The following TRPM8 variants were observed in gnomAD, a reference collection of about 807,000 sequenced individuals.
The protein encoded by TRPM8 is TRPM8 cationic channel.
Under a neutral mutation model 133.7 loss-of-function variants are expected in TRPM8, and 110 were observed. The ratio of observed to expected loss-of-function variants is 0.82; its 90% CI spans 0.70 to 0.96. The LOEUF (loss-of-function observed/expected upper bound fraction) is 0.96. Among genes scored for constraint, TRPM8 ranks in the 40% least tolerant of loss-of-function variants. TRPM8 has a pLI of 0.00. For missense variants in TRPM8, 1,291 were observed against 1,379.5 expected (o/e 0.94, Z 1.02); for synonymous variants, 535 against 532.3 (o/e 1.01, Z -0.07).
chr2:233,927,798 TC>T (rs1204605161), intron 2 of TRPM8, among the ~76,000 whole-genome samples: 2 of 33,726 alleles, frequency 5.9e-5, no homozygotes, highest in East Asian at 1.5e-3. Flanking sequence ...TTCTTTTCTT[TC>T]CTTCCTTCCT....
In TRPM8 at chr2:233,989,310, G is replaced by A. The variant is rs949496437; in HGVS notation, c.2939+3445G>A. Among the ~76,000 whole-genome samples, 10 of 152,288 alleles carry A rather than the reference G, an allele frequency of 6.6e-5. No homozygotes were observed. The highest frequency in any genetic ancestry group is 3.4e-3 in the Middle Eastern group (1 of 294). ...GCTCAGCGTCTGTGGTCCTGGCCGCGCGTTATCTGGCTTAACTCAGGTCTC... is the reference window on the plus strand; with the variant it reads ...GCTCAGCGTCTGTGGTCCTGGCCGCACGTTATCTGGCTTAACTCAGGTCTC... On this transcript the variant is annotated intron_variant, in intron 21 of 25. Coordinates refer to ENST00000324695, the MANE Select transcript of TRPM8 (RefSeq NM_024080.5). This position sits in a 1 kb window ranked among gnomAD's most constrained non-coding sequence, Gnocchi z 4.2.
chr2:233,958,868 C>T (rs990590659), intron 11 of TRPM8, among the ~76,000 whole-genome samples: 10 of 152,060 alleles, frequency 6.6e-5, no homozygotes, highest in East Asian at 3.9e-4. Context: ...GGATCAGGCA[C>T]ACAATGTAAG....
chr2:233,939,232 G>C (rs1456082546), intron 5 of TRPM8, 57 bp downstream of exon 5: 4 of 1,584,040 alleles, frequency 2.5e-6, no homozygotes, highest in African/African-American at 1.3e-5. Context: ...CAAGTTTGGG[G>C]AGCAGAGAAG....
chr2:233,976,491 C>T (rs1691876653), intron 17 of TRPM8, among the ~76,000 whole-genome samples: 1 of 151,958 alleles, frequency 6.6e-6, no homozygotes, highest in Non-Finnish European at 1.5e-5. Context: ...GGCAGGTGCG[C>T]AGGAGAACTG....
chr2:233,947,610 C>T (rs555334163), intron 8 of TRPM8: 14 of 1,289,912 alleles, frequency 1.1e-5, no homozygotes, highest in South Asian at 9.9e-5. Flanking sequence ...ATTCCAAACC[C>T]TAAGTGATTC....
At chr2:233,957,012 T>A (rs546764347) in intron 11 of TRPM8, among the ~76,000 whole-genome samples, 1 of 152,278 alleles carries the variant, frequency 6.6e-6, no homozygotes, top group Admixed American at 6.5e-5. Context: ...GCACAATGGC[T>A]AAGGAAATGG....
intron 17 of TRPM8, chr2:233,970,643 T>A: frequency 3.5e-6 from 2 of 574,084 alleles, no homozygotes; most frequent in South Asian, 2.1e-5. Context: ...CTTTGCTCTC[T>A]AATGAATGTT....
At chr2:233,997,073 TG>T (rs1418695207) in intron 22 of TRPM8, among the ~76,000 whole-genome samples, 1 of 152,156 alleles carries the variant, frequency 6.6e-6, no homozygotes, top group Non-Finnish European at 1.5e-5. Context: ...GTGACCAGCC[TG>T]GGCAACACGG....
intron 3 of TRPM8, among the ~76,000 whole-genome samples, chr2:233,932,673 C>T (rs180919700): frequency 3.6e-4 from 55 of 151,968 alleles, no homozygotes; most frequent in African/African-American, 1.2e-3. Flanking sequence ...GGTGGGCAGC[C>T]GCAGCCCTCA....
intron 20 of TRPM8, 72 bp downstream of exon 20, chr2:233,983,296 G>T (rs1692060125): frequency 1.3e-6 from 2 of 1,579,876 alleles, no homozygotes; most frequent in South Asian, 2.2e-5. Context: ...CCCCAGGGCT[G>T]CCCCGGAGAC....
chr2:234,002,666 C>T (rs1692598133), intron 22 of TRPM8, among the ~76,000 whole-genome samples: 1 of 152,034 alleles, frequency 6.6e-6, no homozygotes, highest in African/African-American at 2.4e-5. Flanking sequence ...ACCTGGAACA[C>T]TACTGAAAAA....
chr2:233,922,647 C>T (rs1292389213), intron 1 of TRPM8, among the ~76,000 whole-genome samples: 3 of 152,240 alleles, frequency 2.0e-5, no homozygotes, highest in Non-Finnish European at 2.9e-5. Context: ...TGAGTGTTTG[C>T]CTTCCTTGTT....
chr2:234,009,120 G>T (rs950250361), intron 24 of TRPM8, among the ~76,000 whole-genome samples: 4 of 152,252 alleles, frequency 2.6e-5, no homozygotes, highest in African/African-American at 9.6e-5. Flanking sequence ...GCAAGGGAAG[G>T]CTCGGGGAGT....
chr2:234,006,704 A>G (rs764619008), intron 22 of TRPM8, 149 bp from the exon 23 acceptor site: 2 of 567,852 alleles, frequency 3.5e-6, no homozygotes, highest in East Asian at 6.1e-5. Context: ...TGATGCTGTC[A>G]CTAGGAAGTA....
intron 21 of TRPM8, among the ~76,000 whole-genome samples, chr2:233,994,045 T>G (rs557902006): frequency 6.6e-6 from 1 of 152,374 alleles, no homozygotes; most frequent in Admixed American, 6.5e-5. Flanking sequence ...TCATCTCTTC[T>G]TATTTTTAGG....
intron 14 of TRPM8, among the ~76,000 whole-genome samples, chr2:233,965,043 C>CT (rs1278573034): frequency 8.5e-4 from 72 of 85,008 alleles, no homozygotes; most frequent in Non-Finnish European, 1.9e-4. Flanking sequence ...CACTGGACTA[C>CT]TTTTTTTTGT....
At chr2:233,993,916 G>A (rs1305231266) in intron 21 of TRPM8, among the ~76,000 whole-genome samples, 3 of 152,156 alleles carry the variant, frequency 2.0e-5, no homozygotes, top group African/African-American at 7.2e-5. Flanking sequence ...AGAGTTTTGG[G>A]AAGTCAGTAT....
chr2:233,955,123 C>G lies in TRPM8; in HGVS notation c.1244-9C>G. 1 of 1,607,492 alleles carries G rather than the reference C, an allele frequency of 6.2e-7. No individual in the cohort carries two copies. Among genetic ancestry groups the G allele is most frequent in the Non-Finnish European group, 8.5e-7 (1 of 1,174,490 alleles). ...TTGGTGAGTTGAGTCTTTTCCTGCC[C>G]TCTCACAGCCTTCAGCACCAGTGAG... On this transcript the variant is annotated splice_polypyrimidine_tract_variant and intron_variant, in intron 10 of 25. Transcript: ENST00000324695.
At chr2:233,983,628 T>G (rs1173781434) in intron 20 of TRPM8, among the ~76,000 whole-genome samples, 2 of 152,186 alleles carry the variant, frequency 1.3e-5, no homozygotes, top group Non-Finnish European at 2.9e-5. Flanking sequence ...AATTTAGACT[T>G]CTGGCGTGCG....
Sources: allele counts gnomAD v4.1 joint callset (sites outside exome capture counted in the v4.1 genomes callset), GRCh38; gene constraint gnomAD v4.1.1; non-coding constraint Gnocchi (gnomAD v3.1); transcripts MANE v1.5; gene names NCBI Gene and HGNC (gene_info 2026-07-23, HGNC 2026-07-21).